Variants in CRK observed in about 807,000 individuals in gnomAD.
CRK encodes the protein CRK proto-oncogene, adaptor protein.
In CRK, 4 loss-of-function variants were observed where a neutral mutation model predicts 29.8. That is an observed-to-expected ratio of 0.13 (90% confidence interval 0.07 to 0.31). The LOEUF is 0.31. Among genes scored for constraint, CRK ranks in the 10% least tolerant of loss-of-function variants. The probability of loss-of-function intolerance (pLI) is 1.00; values close to 1 mark genes in which losing one functional copy is unlikely to be tolerated. For synonymous variants in CRK, 153 were observed against 164.9 expected (o/e 0.93, Z 0.55); for missense variants, 274 against 396.5 (o/e 0.69, Z 2.62).
intron 2 of CRK, among the ~76,000 whole-genome samples, chr17:1,424,053 A>C (rs1385987609): frequency 6.0e-5 from 9 of 149,486 alleles, no homozygotes; most frequent in Non-Finnish European, 1.0e-4. Context: ...GTCCGAGGAG[A>C]AGCAGCTTTC....
chr17:1,429,091 G>A (rs1359025203), intron 2 of CRK, among the ~76,000 whole-genome samples: 3 of 152,044 alleles, frequency 2.0e-5, no homozygotes, highest in African/African-American at 4.8e-5. Flanking sequence ...CAGGTGATCC[G>A]CCCACCTTGG....
intron 2 of CRK, among the ~76,000 whole-genome samples, chr17:1,427,126 G>GAAAAA (rs764041078): frequency 9.4e-6 from 1 of 105,976 alleles, no homozygotes; most frequent in African/African-American, 3.4e-5. Flanking sequence ...TGTGTCTCTT[G>GAAAAA]AAAAAAAAAA....
intron 1 of CRK, among the ~76,000 whole-genome samples, chr17:1,443,090 T>C (rs758342796): frequency 6.6e-6 from 1 of 151,892 alleles, no homozygotes; most frequent in Non-Finnish European, 1.5e-5. Context: ...GTGATTCTCT[T>C]GCCTCAGCTT....
intron 2 of CRK, among the ~76,000 whole-genome samples, chr17:1,427,075 T>C (rs1485743776): frequency 1.6e-4 from 15 of 94,072 alleles, no homozygotes; most frequent in African/African-American, 5.6e-4. Context: ...AAAAAAAAGA[T>C]TCTGACATGC....
At chr17:1,436,587 A>T in intron 2 of CRK, 33 bp downstream of exon 2, 197 of 1,376,990 alleles carry the variant, frequency 1.4e-4, no homozygotes, top group Non-Finnish European at 1.9e-4. Flanking sequence ...CCTGCAGCAG[A>T]TCTCTTCTTT....
Position 1,442,826 on chromosome 17 carries a change from C to CA in CRK, c.242-5672dup, listed in dbSNP as rs1181885398. 2.0e-5 allele frequency among the ~76,000 whole-genome samples: 3 copies of CA among 151,824 alleles called. 1 individual carries two copies. In the South Asian group the frequency reaches 6.2e-4, roughly 32 times the overall value. Reference sequence around the variant, plus strand: ...TTCACCATGTTGGCCTGGCTGGTCTCAAACTCCTGACCTCAAGTGATCTGA... The same window carrying CA: ...TTCACCATGTTGGCCTGGCTGGTCTCAAAACTCCTGACCTCAAGTGATCTGA... On this transcript the variant is annotated intron_variant, in intron 1 of 2. Coordinates refer to ENST00000300574, the MANE Select transcript of CRK (RefSeq NM_016823.4).
At chr17:1,425,383 C>T (rs1401033076) in intron 2 of CRK, among the ~76,000 whole-genome samples, 2 of 152,092 alleles carry the variant, frequency 1.3e-5, no homozygotes, top group African/African-American at 2.4e-5. Flanking sequence ...TGAGCCACCA[C>T]GCCTGGCCAT....
chr17:1,445,822 T>C (rs56693750), intron 1 of CRK, among the ~76,000 whole-genome samples: 1 of 152,172 alleles, frequency 6.6e-6, no homozygotes, highest in Non-Finnish European at 1.5e-5. Context: ...CACAGCTGGG[T>C]GGAGAAAAGC....
intron 1 of CRK, among the ~76,000 whole-genome samples, chr17:1,441,811 A>T (rs922952338): frequency 5.3e-5 from 8 of 151,118 alleles, no homozygotes; most frequent in Non-Finnish European, 7.4e-5. Flanking sequence ...TGATTTTGAA[A>T]TTTTTTTTAT....
intron 1 of CRK, among the ~76,000 whole-genome samples, chr17:1,452,624 C>T (rs998183384): frequency 6.6e-6 from 1 of 151,752 alleles, no homozygotes; most frequent in Non-Finnish European, 1.5e-5. Context: ...CCCATCTCTA[C>T]TAAAAAAATA....
At position 1,437,063 on chromosome 17, in the gene CRK, T is replaced by C; in HGVS notation, c.334A>G (p.Thr112Ala). ...CTGGAAACTGGTTCTATCAACGTTG[T>C]AGTGTCCAAATAGTGTATTTTGTAG... ...EFYKIHYLDTTTLIEPVSRSR... is the reference protein window; with the variant it reads ...EFYKIHYLDTATLIEPVSRSR... The change falls in exon 2 of 3, where the codon ACA becomes GCA. Residue 112 changes from threonine (T) to alanine (A), a missense_variant. Physicochemically the swap from Thr to Ala is moderately conservative, Grantham distance 58 (BLOSUM62 0). Transcript: ENST00000300574. The C allele has an allele frequency of 1.2e-6, 2 of 1,613,906 alleles. No individual in the cohort carries two copies. Among genetic ancestry groups the C allele is most frequent in the Non-Finnish European group, 1.7e-6 (2 of 1,179,828 alleles).
Position 1,456,193 on chromosome 17 carries a change from G to T in CRK, c.-76C>A, listed in dbSNP as rs943701956. The T allele has an allele frequency of 8.8e-6, 12 of 1,356,806 alleles. No individual in the cohort carries two copies. The highest frequency in any genetic ancestry group is 1.9e-5 in the South Asian group (1 of 52,794). The allele number at this position is 1,356,806 out of a possible 1,614,324, so 84.0% of individuals were successfully genotyped here. A position where few individuals can be genotyped will look rare whatever the true frequency, so the allele number is the denominator to read the frequency against. On this transcript the variant is annotated 5_prime_UTR_variant, in exon 1 of 3. Coordinates refer to ENST00000300574, the MANE Select transcript of CRK (RefSeq NM_016823.4). Reference sequence around the variant, plus strand: ...CGGCCCCCGGCGCCCGCCGCCCAGCGGACCGGCTCCGGTTTCAGCTTCACA... The same window carrying T: ...CGGCCCCCGGCGCCCGCCGCCCAGCTGACCGGCTCCGGTTTCAGCTTCACA...
At chr17:1,441,360 ACT>A (rs769539965) in intron 1 of CRK, among the ~76,000 whole-genome samples, 1 of 151,846 alleles carries the variant, frequency 6.6e-6, no homozygotes, top group Non-Finnish European at 1.5e-5. Context: ...ACAGGGTCTA[ACT>A]CTGTTGTCCA....
At chr17:1,435,530 T>G (rs1478142617) in intron 2 of CRK, among the ~76,000 whole-genome samples, 1 of 151,770 alleles carries the variant, frequency 6.6e-6, no homozygotes, top group Non-Finnish European at 1.5e-5. Context: ...ATGCCAGATG[T>G]TACCGTCATC....
chr17:1,433,888 C>A (rs2073867003), intron 2 of CRK, among the ~76,000 whole-genome samples: 1 of 147,164 alleles, frequency 6.8e-6, no homozygotes, highest in Admixed American at 6.9e-5. Flanking sequence ...TTTGTAGAGA[C>A]CGGATCTCAC....
At position 1,421,082 on chromosome 17, in the gene CRK, G is replaced by C. The variant is rs1243309410; in HGVS notation, c.*2431C>G. ...CTTTGCCAATAGGATTTCAGCATTTGCTTTTTTTTGGAAGACACTTATAAG... is the reference window on the plus strand; with the variant it reads ...CTTTGCCAATAGGATTTCAGCATTTCCTTTTTTTTGGAAGACACTTATAAG... On this transcript the variant is annotated 3_prime_UTR_variant, in exon 3 of 3. Coordinates refer to ENST00000300574, the MANE Select transcript of CRK (RefSeq NM_016823.4). 1 of 151,956 alleles carries C rather than the reference G, an allele frequency of 6.6e-6. No homozygotes were observed. The highest frequency in any genetic ancestry group is 1.5e-5 in the Non-Finnish European group (1 of 68,016). 9.4% of individuals were successfully genotyped at this position (151,956 alleles called of 1,614,324 possible). A position where few individuals can be genotyped will look rare whatever the true frequency, so the allele number is the denominator to read the frequency against.
chr17:1,436,685 T>C lies in CRK; in HGVS notation c.712A>G (p.Ile238Val), dbSNP rs569957933. 7.9e-5 allele frequency: 127 copies of C among 1,612,860 alleles called. No individual in the cohort carries two copies. The highest frequency in any genetic ancestry group is 1.0e-4 in the Non-Finnish European group (120 of 1,179,556). The change falls in exon 2 of 3, where the codon ATA becomes GTA. Residue 238 changes from isoleucine (I) to valine (V), a missense_variant. Coordinates refer to ENST00000300574, the MANE Select transcript of CRK (RefSeq NM_016823.4). ...TPLPNLQNGP[I>V]YARVIQKRVP... ...CGCTTCTGGATAACCCTGGCATATA[T>C]GGGCCCATTCTGGAGGTTAGGGAGC...
chr17:1,439,221 G>A (rs1205005499), intron 1 of CRK, among the ~76,000 whole-genome samples: 1 of 152,034 alleles, frequency 6.6e-6, no homozygotes, highest in African/African-American at 2.4e-5. Context: ...TCAGCCTCCC[G>A]AGTAGCTGGG....
At chr17:1,430,612 G>C (rs113413587) in intron 2 of CRK, among the ~76,000 whole-genome samples, 1 of 136,526 alleles carries the variant, frequency 7.3e-6, no homozygotes, top group Non-Finnish European at 1.6e-5. Flanking sequence ...TGATCCGCCC[G>C]CCTTGGCCTC....
Sources: allele counts gnomAD v4.1 joint callset (sites outside exome capture counted in the v4.1 genomes callset), GRCh38; gene constraint gnomAD v4.1.1; transcripts MANE v1.5; gene names NCBI Gene and HGNC (gene_info 2026-07-23, HGNC 2026-07-21).